SCAPER: variants seen among roughly 807,000 people sequenced by gnomAD.
SCAPER encodes S phase cyclin A-associated protein in the endoplasmic reticulum.
Under a neutral mutation model 182.2 loss-of-function variants are expected in SCAPER, and 98 were observed. The ratio of observed to expected loss-of-function variants is 0.54; its 90% CI spans 0.46 to 0.64. SCAPER has a LOEUF of 0.64. Ranked by LOEUF, SCAPER falls within the 30% of genes least tolerant of loss-of-function variation. The pLI, the probability that SCAPER is intolerant of heterozygous loss-of-function variation, is 0.00. For synonymous variants in SCAPER, 605 were observed against 564.6 expected, an observed-to-expected ratio of 1.07 and a Z score of -1.01; for missense variants, 1,432 against 1,690.0, an observed-to-expected ratio of 0.85 and a Z score of 2.68.
rs377486506 is a variant in SCAPER, at chr15:76,599,195, C to T, written c.2711+22569G>A. On this transcript the variant is annotated intron_variant, in intron 22 of 31. Coordinates refer to ENST00000563290, the MANE Select transcript of SCAPER (RefSeq NM_020843.4). ...AACACCATTAGGATTATCATGGAAA[C>T]TCTAAATAAAATTTAAAAATGCCAC... Among the ~76,000 whole-genome samples the T allele has an allele frequency of 1.5e-4, 18 of 120,892 alleles. 4 individuals are homozygous for T. In the East Asian group the frequency reaches 2.4e-3, roughly 16 times the overall value. The allele number at this position is 120,892 out of a possible 152,430, so 79.3% of individuals were successfully genotyped here. A position where few individuals can be genotyped will look rare whatever the true frequency, so the allele number is the denominator to read the frequency against.
intron 5 of SCAPER, among the ~76,000 whole-genome samples, chr15:76,824,728 T>C (rs1410812427): frequency 6.6e-6 from 1 of 152,082 alleles, no homozygotes; most frequent in Non-Finnish European, 1.5e-5. Context: ...CTCATTTTTT[T>C]AAAATATCTC....
At chr15:76,627,946 C>T (rs1464531576) in intron 21 of SCAPER, among the ~76,000 whole-genome samples, 1 of 152,158 alleles carries the variant, frequency 6.6e-6, no homozygotes, top group Non-Finnish European at 1.5e-5. Flanking sequence ...ACCTCACTAG[C>T]CTCTGTTGTT....
intron 8 of SCAPER, among the ~76,000 whole-genome samples, chr15:76,793,804 A>G (rs1289816096): frequency 1.3e-5 from 2 of 152,232 alleles, no homozygotes; most frequent in Non-Finnish European, 2.9e-5. Context: ...AGTTGGTCAG[A>G]GCACAGGTAA....
At chr15:76,441,320 C>A (rs190366013) in intron 25 of SCAPER, among the ~76,000 whole-genome samples, 2 of 152,270 alleles carry the variant, frequency 1.3e-5, no homozygotes, top group Non-Finnish European at 2.9e-5. Context: ...CATATTTATG[C>A]CTTTGAGCCT....
intron 21 of SCAPER, among the ~76,000 whole-genome samples, chr15:76,650,325 A>G (rs2054919249): frequency 6.6e-6 from 1 of 152,034 alleles, no homozygotes; most frequent in Non-Finnish European, 1.5e-5. Context: ...AAGAAAGGAA[A>G]AAGATACTAT....
chr15:76,543,240 C>T (rs2044945280), intron 23 of SCAPER, among the ~76,000 whole-genome samples: 3 of 152,086 alleles, frequency 2.0e-5, no homozygotes, highest in Admixed American at 2.0e-4. Context: ...ATGCTTTAAG[C>T]ATTTTATATC....
At chr15:76,651,719 A>C (rs1231942055) in intron 21 of SCAPER, among the ~76,000 whole-genome samples, 2 of 151,726 alleles carry the variant, frequency 1.3e-5, no homozygotes, top group African/African-American at 2.4e-5. Flanking sequence ...TCCTACTAAA[A>C]CTATTCCCAA....
chr15:76,784,818 G>T (rs56105608), intron 8 of SCAPER, among the ~76,000 whole-genome samples: 11,762 of 152,222 alleles, frequency 0.077, 515 homozygotes, highest in Middle Eastern at 0.11. Context: ...GGGAAAACTG[G>T]CTCGCCATGT....
intron 21 of SCAPER, among the ~76,000 whole-genome samples, chr15:76,644,165 C>T (rs962878602): frequency 3.3e-5 from 5 of 152,058 alleles, no homozygotes; most frequent in Non-Finnish European, 1.5e-5. Flanking sequence ...CTTTTTCATT[C>T]TCATTCTCTT....
intron 26 of SCAPER, among the ~76,000 whole-genome samples, chr15:76,409,935 A>G (rs1255845169): frequency 2.0e-5 from 3 of 150,368 alleles, no homozygotes; most frequent in East Asian, 3.9e-4. Flanking sequence ...CTACAGGTGC[A>G]TGCCATCAGG....
At chr15:76,690,284 C>T (rs7342603) in intron 20 of SCAPER, among the ~76,000 whole-genome samples, 57,926 of 151,838 alleles carry the variant, frequency 0.38, 13,051 homozygotes, top group Middle Eastern at 0.52. Context: ...TACTTCAAGT[C>T]ATCAGGCGAA....
chr15:76,499,721 G>T (rs1311304942), intron 24 of SCAPER, among the ~76,000 whole-genome samples: 1 of 152,092 alleles, frequency 6.6e-6, no homozygotes, highest in Non-Finnish European at 1.5e-5. Context: ...ATAAGATGAA[G>T]ACACAAATGT....
intron 2 of SCAPER, among the ~76,000 whole-genome samples, chr15:76,880,577 C>CT: frequency 6.6e-6 from 1 of 152,088 alleles, no homozygotes; most frequent in Non-Finnish European, 1.5e-5. Context: ...GGACATATTC[C>CT]TTAGAGTCAC....
chr15:76,582,832 A>G (rs2048358965), intron 22 of SCAPER, among the ~76,000 whole-genome samples: 1 of 152,242 alleles, frequency 6.6e-6, no homozygotes, highest in Non-Finnish European at 1.5e-5. Flanking sequence ...CAATGTCACC[A>G]AGAATATACA....
At chr15:76,855,791 G>A (rs760577818) in intron 4 of SCAPER, 5 of 370,854 alleles carry the variant, frequency 1.3e-5, no homozygotes, top group Non-Finnish European at 2.8e-5. Context: ...CAAGGTTGTG[G>A]AGATAAGAGA....
intron 29 of SCAPER, among the ~76,000 whole-genome samples, chr15:76,356,315 A>G (rs2040960394): frequency 6.6e-6 from 1 of 152,128 alleles, no homozygotes; most frequent in African/African-American, 2.4e-5. Context: ...CTGGAAATGC[A>G]AACAGCCTGA....
rs758498490 is a variant in SCAPER at position 76,771,783 on chromosome 15, C to G, written c.1207G>C (p.Ala403Pro). Residue 403 changes from alanine (A) to proline (P), a missense_variant, in exon 10 of 32, where the codon GCA (alanine) becomes CCA (proline). Around this residue, in one of 5 missense-constraint regions of SCAPER, gnomAD observed 480 missense variants for 510.2 expected, o/e 0.94. Transcript: ENST00000563290. ...GGGTCCATTTCATTTTCTATCCTTG[C>G]TTTCTCTGCTGGAAATTTTTCTTCA... is the stretch of plus-strand genomic sequence containing the variant. ...VNEEKFPAEK[A>P]RIENEMDPSD... 6 of 1,613,026 alleles carry G rather than the reference C, an allele frequency of 3.7e-6. No individual in the cohort carries two copies. The highest frequency in any genetic ancestry group is 5.1e-6 in the Non-Finnish European group (6 of 1,179,420).
chr15:76,365,430 C>G (rs2041743066), intron 29 of SCAPER, among the ~76,000 whole-genome samples: 1 of 152,148 alleles, frequency 6.6e-6, no homozygotes, highest in African/African-American at 2.4e-5. Flanking sequence ...TTAAATGAAG[C>G]ATATTTTAAA....
chr15:76,605,880 C>CT (rs1397118620), intron 22 of SCAPER, among the ~76,000 whole-genome samples: 3 of 152,116 alleles, frequency 2.0e-5, no homozygotes, highest in South Asian at 2.1e-4. Context: ...TCCCCTTTAT[C>CT]TTTTTTTATT....
Sources: allele counts gnomAD v4.1 joint callset (sites outside exome capture counted in the v4.1 genomes callset), GRCh38; gene constraint gnomAD v4.1.1; regional missense constraint gnomAD v4.1.1; transcripts MANE v1.5; gene names NCBI Gene and HGNC (gene_info 2026-07-23, HGNC 2026-07-21).